The following MACF1 variants were observed in gnomAD, a reference collection of about 807,000 sequenced individuals.
MACF1 encodes the protein microtubule actin crosslinking factor 1, also known as microtubule-actin cross-linking factor 1.
In MACF1, 193 loss-of-function variants were observed where a neutral mutation model predicts 854.8. The observed-to-expected ratio is 0.23, with a 90% confidence interval of 0.20 to 0.25. MACF1 has a LOEUF of 0.25. Ranked by LOEUF, MACF1 falls within the 10% of genes least tolerant of loss-of-function variation. The pLI, the probability that MACF1 is intolerant of heterozygous loss-of-function variation, is 1.00. For synonymous variants in MACF1, 3,185 were observed against 3,226.7 expected (o/e 0.99, Z 0.44); for missense variants, 7,722 against 8,929.1 (o/e 0.86, Z 5.45).
At chr1:39,372,675 T>C in intron 52 of MACF1, 79 bp downstream of exon 52, 1 of 931,454 alleles carries the variant, frequency 1.1e-6, no homozygotes, top group Non-Finnish European at 1.7e-6. Flanking sequence ...CCTTATATAA[T>C]TAAAGTGAAA....
At chr1:39,088,655 C>T (rs541785875) in intron 2 of MACF1, among the ~76,000 whole-genome samples, 1 of 152,218 alleles carries the variant, frequency 6.6e-6, no homozygotes, top group East Asian at 1.9e-4. Flanking sequence ...GGAAGTGGGG[C>T]GCTAGGGAGC....
chr1:39,133,457 T>TA (rs1431039183), intron 2 of MACF1, among the ~76,000 whole-genome samples: 2 of 151,878 alleles, frequency 1.3e-5, no homozygotes, highest in African/African-American at 2.4e-5. Context: ...AACAGACTCT[T>TA]ACTATAGTTG....
At position 39,409,508 on chromosome 1, in the gene MACF1, C is replaced by CGCT. The variant is rs1330827162; in HGVS notation, c.15817-12857_15817-12855dup. 6.6e-6 allele frequency: 1 copy of CGCT among 152,076 alleles called. No homozygotes were observed. Among genetic ancestry groups the CGCT allele is most frequent in the Non-Finnish European group, 1.5e-5 (1 of 68,038 alleles). The allele number at this position is 152,076 out of a possible 1,614,324, so 9.4% of individuals were successfully genotyped here. ...CGAGCCCCTCCGACAGACCCGCGGC[C>CGCT]GCTGCTGCTGCCCGCCCGCCCGCCT... On this transcript the variant is annotated intron_variant, in intron 58 of 100. Coordinates refer to ENST00000564288, the MANE Select transcript of MACF1 (RefSeq NM_001394062.1). The surrounding 1 kb of genome is among the most constrained non-coding windows in gnomAD (Gnocchi z 4.2).
Position 39,332,251 on chromosome 1 carries a change from C to T in MACF1, c.5663C>T (p.Ala1888Val). The change falls in exon 37 of 101, where the codon GCT becomes GTT. Residue 1888 changes from alanine to valine, a missense_variant. Transcript: ENST00000564288. ...CTTAGTAACCGACAGCATATTAAGG[C>T]TCTGTTTCTACCAGCAACCACAGAG... ...KILSNRQHIK[A>V]LFLPATTEIL... 1 of 1,613,918 alleles carries T rather than the reference C, an allele frequency of 6.2e-7. No homozygotes were observed. Among genetic ancestry groups the T allele is most frequent in the Non-Finnish European group, 8.5e-7 (1 of 1,180,004 alleles).
At position 39,428,255 on chromosome 1, in the gene MACF1, G is replaced by T. The variant is rs376918561; in HGVS notation, c.16771G>T (p.Asp5591Tyr). Reference protein sequence around the residue: ...SSVFVKDFKQDVLHRQHADHL... With the variant: ...SSVFVKDFKQYVLHRQHADHL... ...AGTGTTCGTAAAGGATTTCAAACAGGATGTCCTGCACAGGCAGCATGCTGA... is the reference window on the plus strand; with the variant it reads ...AGTGTTCGTAAAGGATTTCAAACAGTATGTCCTGCACAGGCAGCATGCTGA... Residue 5591 changes from aspartate to tyrosine, a missense_variant, in exon 63 of 101, where the codon GAT (aspartate) becomes TAT (tyrosine). Around this residue, in one of 15 missense-constraint regions of MACF1, gnomAD observed 2,807 missense variants for 3,235.8 expected, o/e 0.87. Coordinates refer to ENST00000564288, the MANE Select transcript of MACF1 (RefSeq NM_001394062.1). The T allele has an allele frequency of 6.2e-7, 1 of 1,613,182 alleles. No individual in the cohort carries two copies. Among genetic ancestry groups the T allele is most frequent in the South Asian group, 1.1e-5 (1 of 90,882 alleles).
At chr1:39,376,053 G>T (rs915140649) in intron 52 of MACF1, among the ~76,000 whole-genome samples, 10 of 152,164 alleles carry the variant, frequency 6.6e-5, no homozygotes, top group Non-Finnish European at 1.3e-4. Flanking sequence ...ATCATAAATT[G>T]CTGGTAAAGA....
rs368266388 is a variant in MACF1, at chr1:39,233,996, C to T, written c.171+2753C>T. 7.5e-3 allele frequency among the ~76,000 whole-genome samples: 1,062 copies of T among 141,844 alleles called. 9 individuals are homozygous for T. Among genetic ancestry groups the T allele is most frequent in the Middle Eastern group, 0.018 (5 of 282 alleles). 93.1% of individuals were successfully genotyped at this position (141,844 alleles called of 152,430 possible). On this transcript the variant is annotated intron_variant, in intron 2 of 100. Coordinates refer to ENST00000564288, the MANE Select transcript of MACF1 (RefSeq NM_001394062.1). ...ATTAGGGAGTGGTGATGACTCTTAACGAGCATGCTGCCTTCAAGCATCTGT... is the reference window on the plus strand; with the variant it reads ...ATTAGGGAGTGGTGATGACTCTTAATGAGCATGCTGCCTTCAAGCATCTGT...
At chr1:39,222,005 G>C (rs1254947585) in intron 1 of MACF1, among the ~76,000 whole-genome samples, 2 of 152,122 alleles carry the variant, frequency 1.3e-5, no homozygotes, top group Admixed American at 1.3e-4. Flanking sequence ...CTGTTAGCCT[G>C]GTTGCTCATC....
At position 39,234,409 on chromosome 1, in the gene MACF1, G is replaced by T. The variant is rs867048023; in HGVS notation, c.171+3166G>T. Reference sequence around the variant, plus strand: ...CACCTTCCGGGCGGGGCGGCTGGCCGGGCAGGGGGCTGACCCCCCCACCTC... The same window carrying T: ...CACCTTCCGGGCGGGGCGGCTGGCCTGGCAGGGGGCTGACCCCCCCACCTC... On this transcript the variant is annotated intron_variant, in intron 2 of 100. Coordinates refer to ENST00000564288, the MANE Select transcript of MACF1 (RefSeq NM_001394062.1). 5.4e-3 allele frequency among the ~76,000 whole-genome samples: 777 copies of T among 144,152 alleles called. 13 individuals carry two copies. Among genetic ancestry groups the T allele is most frequent in the African/African-American group, 0.018 (711 of 39,102 alleles). 94.6% of individuals were successfully genotyped at this position (144,152 alleles called of 152,430 possible). A position where few individuals can be genotyped will look rare whatever the true frequency, so the allele number is the denominator to read the frequency against.
chr1:39,140,466 A>G (rs1384498117), intron 2 of MACF1, among the ~76,000 whole-genome samples: 1 of 152,218 alleles, frequency 6.6e-6, no homozygotes, highest in African/African-American at 2.4e-5. Flanking sequence ...ATAAGGCTTC[A>G]ATAACCATTG....
intron 2 of MACF1, among the ~76,000 whole-genome samples, chr1:39,150,658 T>A (rs1222632662): frequency 1.3e-5 from 2 of 152,162 alleles, no homozygotes; most frequent in African/African-American, 4.8e-5. Context: ...TCTGCTACAC[T>A]GAAATTGCAG....
At position 39,309,754 on chromosome 1, in the gene MACF1, G is replaced by C. The variant is rs1466533536; in HGVS notation, c.2916+58G>C. 3.8e-6 allele frequency: 6 copies of C among 1,575,792 alleles called. No individual in the cohort carries two copies. The African/African-American group carries it at 8.2e-5, about 22-fold the overall frequency. On this transcript the variant is annotated intron_variant, in intron 24 of 100. Coordinates refer to ENST00000564288, the MANE Select transcript of MACF1 (RefSeq NM_001394062.1). ...TCCATTGGCAAGATTTTTTCAGAAG[G>C]AGCTTTTTTCATTACTGTGAGACTT...
At chr1:39,313,610 A>G (rs1446241650) in intron 26 of MACF1, among the ~76,000 whole-genome samples, 2 of 150,590 alleles carry the variant, frequency 1.3e-5, no homozygotes, top group African/African-American at 2.5e-5. Context: ...TATTTATGTC[A>G]ATATATACTC....
chr1:39,455,614 A>G (rs930270555), intron 89 of MACF1, among the ~76,000 whole-genome samples: 5 of 152,164 alleles, frequency 3.3e-5, no homozygotes, highest in Non-Finnish European at 5.9e-5. Context: ...GAGGGGGATT[A>G]CATAGAGTGT....
At chr1:39,113,356 T>C (rs560493577) in intron 2 of MACF1, among the ~76,000 whole-genome samples, 1 of 152,312 alleles carries the variant, frequency 6.6e-6, no homozygotes, top group South Asian at 2.1e-4. Context: ...AACATGTTCC[T>C]GCAGGTTGAA....
Position 39,387,598 on chromosome 1 carries a change from T to C in MACF1, c.14756T>C (p.Ile4919Thr). The change falls in exon 58 of 101, where the codon ATA becomes ACA. Residue 4919 changes from isoleucine (I) to threonine (T), a missense_variant. Ile to Thr is a moderately conservative substitution (Grantham distance 89). Transcript: ENST00000564288. ...CATGTGGAAGACCTTGTGCCATGGA[T>C]AGAAGATTGTAAAGCTAAGATGTCT... ...QWHVEDLVPW[I>T]EDCKAKMSEL... 1.9e-6 allele frequency: 3 copies of C among 1,614,144 alleles called. No homozygotes were observed. The highest frequency in any genetic ancestry group is 2.5e-6 in the Non-Finnish European group (3 of 1,180,028).
chr1:39,237,661 A>C (rs1360856937), intron 2 of MACF1, among the ~76,000 whole-genome samples: 1 of 152,084 alleles, frequency 6.6e-6, no homozygotes, highest in East Asian at 1.9e-4. Flanking sequence ...TCAATCAATC[A>C]TGAATCTTCT....
At chr1:39,410,664 G>C in intron 58 of MACF1, 1 of 1,613,866 alleles carries the variant, frequency 6.2e-7, no homozygotes, top group Non-Finnish European at 8.5e-7. Flanking sequence ...GGAGATCGTG[G>C]AAGTCCTTCA....
intron 2 of MACF1, among the ~76,000 whole-genome samples, chr1:39,139,338 C>G (rs983586400): frequency 6.6e-6 from 1 of 150,752 alleles, no homozygotes; most frequent in Non-Finnish European, 1.5e-5. Flanking sequence ...GTCGCTGCAA[C>G]CTCTGCCTTC....
Sources: allele counts gnomAD v4.1 joint callset (sites outside exome capture counted in the v4.1 genomes callset), GRCh38; gene constraint gnomAD v4.1.1; regional missense constraint gnomAD v4.1.1; non-coding constraint Gnocchi (gnomAD v3.1); transcripts MANE v1.5; gene names NCBI Gene and HGNC (gene_info 2026-07-23, HGNC 2026-07-21).